The following RSRC1 variants were observed in gnomAD, a reference collection of about 807,000 sequenced individuals.
RSRC1 encodes serine/Arginine-related protein 53.
A neutral mutation model predicts 49.1 loss-of-function variants in RSRC1; 39 were observed. That is an observed-to-expected ratio of 0.79 (90% CI 0.61 to 1.04). RSRC1 has a LOEUF of 1.04. RSRC1 is among the 50% of genes least tolerant of loss of function. The probability of loss-of-function intolerance (pLI) is 0.00; values close to 1 mark genes in which losing one functional copy is unlikely to be tolerated. For missense variants in RSRC1, 388 were observed against 402.4 expected (o/e 0.96, Z 0.31); for synonymous variants, 143 against 130.8 (o/e 1.09, Z -0.63).
intron 4 of RSRC1, among the ~76,000 whole-genome samples, chr3:158,261,327 A>G (rs1004105637): frequency 6.6e-6 from 1 of 152,172 alleles, no homozygotes; most frequent in Non-Finnish European, 1.5e-5. Flanking sequence ...GTGGTGCATC[A>G]TTGTGGCTTT....
intron 7 of RSRC1, among the ~76,000 whole-genome samples, chr3:158,512,106 A>G (rs1382839466): frequency 1.3e-5 from 2 of 148,934 alleles, no homozygotes; most frequent in Non-Finnish European, 3.0e-5. Flanking sequence ...TTTGCTGTGC[A>G]GAAGCTCTTT....
chr3:158,360,901 A>G (rs547068772), intron 6 of RSRC1, among the ~76,000 whole-genome samples: 1 of 152,302 alleles, frequency 6.6e-6, no homozygotes, highest in East Asian at 1.9e-4. Context: ...GGCCTCTGTC[A>G]GCTCCATGGA....
chr3:158,385,640 G>T (rs1732931576), intron 6 of RSRC1, among the ~76,000 whole-genome samples: 1 of 152,046 alleles, frequency 6.6e-6, no homozygotes, highest in South Asian at 2.1e-4. Flanking sequence ...TATTAAATAT[G>T]GAGAAATAAC....
At chr3:158,148,103 G>A (rs1189355969) in intron 3 of RSRC1, among the ~76,000 whole-genome samples, 1 of 152,134 alleles carries the variant, frequency 6.6e-6, no homozygotes, top group Non-Finnish European at 1.5e-5. Flanking sequence ...ACAGGTAATT[G>A]ATGTATACTT....
At chr3:158,286,130 T>G (rs1246249252) in intron 4 of RSRC1, among the ~76,000 whole-genome samples, 1 of 152,230 alleles carries the variant, frequency 6.6e-6, no homozygotes, top group Non-Finnish European at 1.5e-5. Flanking sequence ...CAGCTAGTGT[T>G]TATTTTTACT....
intron 3 of RSRC1, among the ~76,000 whole-genome samples, chr3:158,174,249 G>A (rs1431572330): frequency 6.7e-6 from 1 of 149,688 alleles, no homozygotes; most frequent in African/African-American, 2.5e-5. Flanking sequence ...TTTTTTTAAT[G>A]AGTTGAGCTT....
At chr3:158,143,583 A>G (rs1480991533) in intron 3 of RSRC1, among the ~76,000 whole-genome samples, 2 of 152,238 alleles carry the variant, frequency 1.3e-5, no homozygotes, top group Non-Finnish European at 2.9e-5. Flanking sequence ...GTCTATCAAT[A>G]AAACAATAGC....
chr3:158,124,730 T>G (rs1205059108), intron 3 of RSRC1, among the ~76,000 whole-genome samples: 14 of 152,174 alleles, frequency 9.2e-5, no homozygotes, highest in Non-Finnish European at 1.0e-4. Context: ...TTATAATCCT[T>G]TCAATGTTTG....
In RSRC1 at chr3:158,543,347, A is replaced by C; in HGVS notation, c.772A>C (p.Ser258Arg). Reference protein sequence around the residue: ...SKEVKKSVEPSEVKQATSTSG... With the variant: ...SKEVKKSVEPREVKQATSTSG... ...TTGTTTCTTTCAGTCAGTGGAACCT[A>C]GTGAAGTGAAACAAGCAACTTCAAC... Residue 258 changes from serine to arginine, a missense_variant, in exon 9 of 10, where the codon AGT becomes CGT. By Grantham distance (110) the Ser-to-Arg change is moderately radical. Transcript: ENST00000611884. 6.3e-7 allele frequency: 1 copy of C among 1,582,096 alleles called. No homozygotes were observed. Among genetic ancestry groups the C allele is most frequent in the Middle Eastern group, 1.7e-4 (1 of 5,940 alleles).
chr3:158,409,985 A>G (rs1734366569), intron 6 of RSRC1, among the ~76,000 whole-genome samples: 1 of 152,048 alleles, frequency 6.6e-6, no homozygotes, highest in Non-Finnish European at 1.5e-5. Context: ...AAGTGATAGC[A>G]TTTAGAACAC....
chr3:158,300,949 G>C (rs1727509603), intron 5 of RSRC1, among the ~76,000 whole-genome samples: 1 of 152,150 alleles, frequency 6.6e-6, no homozygotes, highest in African/African-American at 2.4e-5. Flanking sequence ...CTGAAAAGGG[G>C]AAAGCAAGTG....
chr3:158,325,698 T>A (rs1335285947), intron 5 of RSRC1, among the ~76,000 whole-genome samples: 1 of 152,160 alleles, frequency 6.6e-6, no homozygotes, highest in Non-Finnish European at 1.5e-5. Context: ...CTTAGGATTG[T>A]CTTGGCAATG....
chr3:158,537,290 A>C, intron 8 of RSRC1, 92 bp downstream of exon 8: 4 of 715,262 alleles, frequency 5.6e-6, no homozygotes, highest in Non-Finnish European at 8.8e-6. Flanking sequence ...TGTTTCTTCT[A>C]ATAGATGAAG....
At chr3:158,129,161 T>C (rs1715825880) in intron 3 of RSRC1, among the ~76,000 whole-genome samples, 1 of 152,110 alleles carries the variant, frequency 6.6e-6, no homozygotes, top group Non-Finnish European at 1.5e-5. Context: ...CTCTCAGTGG[T>C]TTTTTTCTGT....
chr3:158,423,998 T>A (rs1353704349), intron 6 of RSRC1, among the ~76,000 whole-genome samples: 2 of 151,004 alleles, frequency 1.3e-5, no homozygotes, highest in South Asian at 2.1e-4. Context: ...TTTCTAGATA[T>A]ACAATCATGT....
At chr3:158,400,114 G>A (rs1560026068) in intron 6 of RSRC1, among the ~76,000 whole-genome samples, 1 of 151,998 alleles carries the variant, frequency 6.6e-6, no homozygotes, top group Non-Finnish European at 1.5e-5. Flanking sequence ...ACCACATAAC[G>A]ATGTTTTTTG....
chr3:158,278,537 G>A (rs1049400549), intron 4 of RSRC1, among the ~76,000 whole-genome samples: 1 of 152,194 alleles, frequency 6.6e-6, no homozygotes, highest in Non-Finnish European at 1.5e-5. Flanking sequence ...AAACAACTGA[G>A]CAGTATCTCT....
intron 6 of RSRC1, among the ~76,000 whole-genome samples, chr3:158,456,912 T>G (rs1470977048): frequency 6.6e-6 from 1 of 152,130 alleles, no homozygotes; most frequent in Admixed American, 6.6e-5. Flanking sequence ...AAATGGTATG[T>G]GAAGGATTTT....
chr3:158,194,242 C>A (rs750070252), intron 3 of RSRC1, among the ~76,000 whole-genome samples: 1 of 151,000 alleles, frequency 6.6e-6, no homozygotes, highest in African/African-American at 2.4e-5. Context: ...CTGCTGCACT[C>A]CAGCCTGGCT....
Sources: gnomAD v4.1 joint callset for allele counts (sites outside exome capture counted in the v4.1 genomes callset) on GRCh38, gnomAD v4.1.1 for gene constraint, MANE v1.5 for transcripts, NCBI Gene and HGNC (gene_info 2026-07-23, HGNC 2026-07-21) for gene names.